The following PPM1L variants were observed in gnomAD, a reference collection of about 807,000 sequenced individuals.
PPM1L encodes protein phosphatase 1L.
PPM1L carries 13 observed loss-of-function variants against 31.4 expected under a neutral mutation model. The observed-to-expected ratio is 0.41, with a 90% CI of 0.27 to 0.66. PPM1L has a LOEUF of 0.66. PPM1L is among the 30% of genes least tolerant of loss of function. PPM1L has a pLI of 0.29. For missense variants in PPM1L, 326 were observed against 453.7 expected (o/e 0.72, Z 2.56); for synonymous variants, 184 against 175.4 (o/e 1.05, Z -0.39).
chr3:160,827,720 T>G (rs1464726103), intron 1 of PPM1L, among the ~76,000 whole-genome samples: 2 of 152,140 alleles, frequency 1.3e-5, no homozygotes, highest in Non-Finnish European at 2.9e-5. Flanking sequence ...TGAAACAGAT[T>G]CATGTGTGTA....
chr3:160,835,840 A>G (rs955119432), intron 1 of PPM1L, among the ~76,000 whole-genome samples: 3 of 152,164 alleles, frequency 2.0e-5, no homozygotes, highest in Admixed American at 6.5e-5. Flanking sequence ...AACATTTTTT[A>G]GAGACAAATC....
chr3:160,890,621 A>G (rs774114041), intron 1 of PPM1L, among the ~76,000 whole-genome samples: 1 of 152,224 alleles, frequency 6.6e-6, no homozygotes, highest in Non-Finnish European at 1.5e-5. Context: ...GAGTTAGAAA[A>G]AACTACTTTA....
At chr3:160,877,370 T>G (rs562015717) in intron 1 of PPM1L, among the ~76,000 whole-genome samples, 2 of 152,316 alleles carry the variant, frequency 1.3e-5, no homozygotes, top group South Asian at 4.1e-4. Context: ...TGCAATTTAT[T>G]TCAGCTGAGA....
At chr3:160,914,596 G>A (rs1714092218) in intron 1 of PPM1L, among the ~76,000 whole-genome samples, 1 of 151,896 alleles carries the variant, frequency 6.6e-6, no homozygotes, top group Admixed American at 6.6e-5. Flanking sequence ...AGCTTCATCT[G>A]TGTCCCTACA....
chr3:161,003,834 C>T (rs1387893863), intron 2 of PPM1L, among the ~76,000 whole-genome samples: 1 of 151,330 alleles, frequency 6.6e-6, no homozygotes, highest in Non-Finnish European at 1.5e-5. Flanking sequence ...CCTTTATTTC[C>T]TTCTCCTGCC....
At chr3:160,867,376 T>C (rs1316308343) in intron 1 of PPM1L, among the ~76,000 whole-genome samples, 2 of 151,806 alleles carry the variant, frequency 1.3e-5, no homozygotes, top group East Asian at 1.9e-4. Flanking sequence ...TGAAGTTGTT[T>C]GTATTACTAT....
At chr3:161,050,663 C>T (rs1719244659) in intron 2 of PPM1L, among the ~76,000 whole-genome samples, 3 of 152,018 alleles carry the variant, frequency 2.0e-5, no homozygotes, top group Admixed American at 2.0e-4. Flanking sequence ...ATGAGACTTT[C>T]TCATGACAAT....
intron 1 of PPM1L, among the ~76,000 whole-genome samples, chr3:160,890,940 G>C (rs1354333234): frequency 1.3e-5 from 2 of 152,074 alleles, no homozygotes; most frequent in Non-Finnish European, 2.9e-5. Flanking sequence ...AACTGAAACT[G>C]GACCCCTTCT....
intron 1 of PPM1L, among the ~76,000 whole-genome samples, chr3:160,892,273 C>T (rs575552801): frequency 3.9e-5 from 6 of 152,180 alleles, no homozygotes; most frequent in Non-Finnish European, 7.4e-5. Flanking sequence ...AGCTTTTATT[C>T]GTGGCAAAAG....
chr3:160,771,346 T>C (rs979971586), intron 1 of PPM1L, among the ~76,000 whole-genome samples: 1 of 150,076 alleles, frequency 6.7e-6, no homozygotes, highest in Admixed American at 6.6e-5. Context: ...AATCTCTGCC[T>C]CCTGGGCTCA....
At chr3:160,912,164 T>C (rs1300680930) in intron 1 of PPM1L, among the ~76,000 whole-genome samples, 1 of 152,118 alleles carries the variant, frequency 6.6e-6, no homozygotes, top group Non-Finnish European at 1.5e-5. Context: ...TTAGACATCA[T>C]GTGGGGTATG....
At chr3:160,759,917 C>T (rs966717738) in intron 1 of PPM1L, among the ~76,000 whole-genome samples, 2 of 152,006 alleles carry the variant, frequency 1.3e-5, no homozygotes, top group African/African-American at 4.8e-5. Context: ...GTAAGGTGCA[C>T]CTTCATCAGT....
chr3:160,886,424 A>C (rs555330047), intron 1 of PPM1L, among the ~76,000 whole-genome samples: 1 of 152,322 alleles, frequency 6.6e-6, no homozygotes, highest in East Asian at 1.9e-4. Flanking sequence ...AGGGGTTTTC[A>C]GACACTCTAT....
At position 161,071,041 on chromosome 3, in the gene PPM1L, A is replaced by C. The variant is rs1258010565; in HGVS notation, c.*1884A>C. 1 of 152,188 alleles carries C rather than the reference A, an allele frequency of 6.6e-6. No individual in the cohort carries two copies. The highest frequency in any genetic ancestry group is 1.5e-5 in the Non-Finnish European group (1 of 68,032). The allele number at this position is 152,188 out of a possible 1,614,324, so 9.4% of individuals were successfully genotyped here. A position where few individuals can be genotyped will look rare whatever the true frequency, so the allele number is the denominator to read the frequency against. On this transcript the variant is annotated 3_prime_UTR_variant, in exon 4 of 4. Transcript: ENST00000498165. ...AATATCTGCCACCATTTTAGATTTA[A>C]GCATTTGCCTATGGGGAGACACTGA...
Position 161,068,799 on chromosome 3 carries a change from C to T in PPM1L, c.737-12C>T, listed in dbSNP as rs1719821244. On this transcript the variant is annotated splice_polypyrimidine_tract_variant and intron_variant, in intron 3 of 3. Transcript: ENST00000498165. Reference sequence around the variant, plus strand: ...AGCTGGTCAAACTAATGGGCTCATCCTGTCTTTCTAGGTGGTTTCATCAGT... The same window carrying T: ...AGCTGGTCAAACTAATGGGCTCATCTTGTCTTTCTAGGTGGTTTCATCAGT... 1 of 1,597,124 alleles carries T rather than the reference C, an allele frequency of 6.3e-7. No homozygotes were observed. The highest frequency in any genetic ancestry group is 8.5e-7 in the Non-Finnish European group (1 of 1,171,092).
At chr3:160,975,680 T>C (rs1716544302) in intron 2 of PPM1L, among the ~76,000 whole-genome samples, 1 of 152,182 alleles carries the variant, frequency 6.6e-6, no homozygotes. Context: ...TGTTTGTCTG[T>C]TGTTAGTGTA....
intron 3 of PPM1L, among the ~76,000 whole-genome samples, chr3:161,065,991 G>A (rs1466201193): frequency 6.6e-6 from 1 of 152,252 alleles, no homozygotes; most frequent in Non-Finnish European, 1.5e-5. Flanking sequence ...TCTTTTGGAA[G>A]CTTTCCATGT....
At chr3:161,048,200 C>CT (rs1443499238) in intron 2 of PPM1L, among the ~76,000 whole-genome samples, 2 of 152,160 alleles carry the variant, frequency 1.3e-5, no homozygotes, top group Non-Finnish European at 2.9e-5. Flanking sequence ...TGACAAAGGG[C>CT]TAATATCCAG....
chr3:160,866,027 A>G (rs76970674), intron 1 of PPM1L, among the ~76,000 whole-genome samples: 168 of 152,294 alleles, frequency 1.1e-3, no homozygotes, highest in Middle Eastern at 3.4e-3. Flanking sequence ...TCAAAGATCA[A>G]ATAACCAAGT....
Sources: gnomAD v4.1 joint callset for allele counts (sites outside exome capture counted in the v4.1 genomes callset) on GRCh38, gnomAD v4.1.1 for gene constraint, MANE v1.5 for transcripts, NCBI Gene and HGNC (gene_info 2026-07-23, HGNC 2026-07-21) for gene names.